Variants in PIAS1 observed in about 807,000 individuals in gnomAD.
PIAS1 encodes protein inhibitor of activated STAT 1.
PIAS1 carries 6 observed loss-of-function variants against 71.3 expected under a neutral mutation model. That is an observed-to-expected ratio of 0.08 (90% confidence interval 0.05 to 0.17). The LOEUF (loss-of-function observed/expected upper bound fraction) is 0.17. Among genes scored for constraint, PIAS1 ranks in the 10% least tolerant of loss-of-function variants. The probability of loss-of-function intolerance (pLI) is 1.00; values close to 1 mark genes in which losing one functional copy is unlikely to be tolerated. For synonymous variants in PIAS1, 303 were observed against 292.9 expected (o/e 1.03, Z -0.35); for missense variants, 555 against 793.6 (o/e 0.70, Z 3.61).
chr15:68,146,668 A>G lies in PIAS1; in HGVS notation c.796A>G (p.Ile266Val). The G allele has an allele frequency of 6.2e-7, 1 of 1,612,698 alleles. No individual in the cohort carries two copies. The highest frequency in any genetic ancestry group is 8.5e-7 in the Non-Finnish European group (1 of 1,179,058). Reference protein sequence around the residue: ...VRLSTTVPNTIVVSWTAEIGR... With the variant: ...VRLSTTVPNTVVVSWTAEIGR... Reference sequence around the variant, plus strand: ...ACTGTCCACAACAGTACCAAACACGATTGTTGTTTCTTGGACTGCAGAAAT... The same window carrying G: ...ACTGTCCACAACAGTACCAAACACGGTTGTTGTTTCTTGGACTGCAGAAAT... The change falls in exon 6 of 14, where the codon ATT becomes GTT. Residue 266 changes from isoleucine (I) to valine (V), a missense_variant. Ile to Val is a conservative substitution (Grantham distance 29). Transcript: ENST00000249636.
chr15:68,141,968 T>G lies in PIAS1; in HGVS notation c.492T>G (p.Phe164Leu), dbSNP rs762472706. The change falls in exon 3 of 14, where the codon TTT (phenylalanine) becomes TTG (leucine). Residue 164 changes from phenylalanine to leucine, a missense_variant. This residue lies in a region of PIAS1 where 134 missense variants were observed against 203.4 expected (regional missense o/e 0.66). Transcript: ENST00000249636. ...TAGCATCAGACAACAGTCAGCGCTT[T>G]CGAGAAACCTGTTTTGCATTTGCCT... Reference protein sequence around the residue: ...TSLASDNSQRFRETCFAFALT... With the variant: ...TSLASDNSQRLRETCFAFALT... 1.2e-6 allele frequency: 2 copies of G among 1,604,164 alleles called. No homozygotes were observed. Among genetic ancestry groups the G allele is most frequent in the Non-Finnish European group, 1.7e-6 (2 of 1,174,574 alleles).
intron 2 of PIAS1, among the ~76,000 whole-genome samples, chr15:68,103,674 G>A (rs1362169378): frequency 6.6e-6 from 1 of 152,072 alleles, no homozygotes; most frequent in Non-Finnish European, 1.5e-5. Flanking sequence ...AGATTTTCCT[G>A]TTTTGGACAT....
At chr15:68,115,626 G>T (rs1357795034) in intron 2 of PIAS1, among the ~76,000 whole-genome samples, 3 of 152,016 alleles carry the variant, frequency 2.0e-5, no homozygotes, top group Non-Finnish European at 4.4e-5. Flanking sequence ...TAATTTTTGA[G>T]GGAAAACATT....
chr15:68,096,163 T>A (rs2092374016), intron 2 of PIAS1, among the ~76,000 whole-genome samples: 1 of 152,238 alleles, frequency 6.6e-6, no homozygotes, highest in African/African-American at 2.4e-5. Context: ...TGAAACTATA[T>A]GTTTGAATAA....
rs199948202 is a variant in PIAS1 at position 68,125,697 on chromosome 15, G to GA, written c.470-16248dup. Among the ~76,000 whole-genome samples, 729 of 151,806 alleles carry GA rather than the reference G, an allele frequency of 4.8e-3. 6 individuals are homozygous for GA. Among genetic ancestry groups the GA allele is most frequent in the African/African-American group, 0.016 (674 of 41,424 alleles). On this transcript the variant is annotated intron_variant, in intron 2 of 13. Transcript: ENST00000249636. Reference sequence around the variant, plus strand: ...AAAGTTCAAAGTTAGGCTGGTTTCCGATTTTTTTTTTCTCCTTTTTAGAGA... The same window carrying GA: ...AAAGTTCAAAGTTAGGCTGGTTTCCGAATTTTTTTTTTCTCCTTTTTAGAGA...
In PIAS1 at chr15:68,151,938, A is replaced by ATTTT. The variant is rs1567065720; in HGVS notation, c.829-1652_829-1651insTTTT. Among the ~76,000 whole-genome samples, 142 of 37,190 alleles carry ATTTT rather than the reference A, an allele frequency of 3.8e-3. 2 individuals carry two copies. The highest frequency in any genetic ancestry group is 0.011 in the African/African-American group (135 of 12,296). The allele number at this position is 37,190 out of a possible 152,430, so 24.4% of individuals were successfully genotyped here. On this transcript the variant is annotated intron_variant, in intron 6 of 13. Coordinates refer to ENST00000249636, the MANE Select transcript of PIAS1 (RefSeq NM_016166.3). ...TATGTTGTATGCTCTAAAATTTAGG[A>ATTTT]ATTTTTTTTTTTTTTTTTTTTTGGG...
chr15:68,084,473 T>TAA (rs1232547327), intron 1 of PIAS1, among the ~76,000 whole-genome samples: 1 of 152,208 alleles, frequency 6.6e-6, no homozygotes, highest in Non-Finnish European at 1.5e-5. Context: ...TTATAGTTAG[T>TAA]AATTGTTTAC....
intron 7 of PIAS1, among the ~76,000 whole-genome samples, chr15:68,155,188 ATTATT>A (rs1457900258): frequency 1.3e-5 from 2 of 152,202 alleles, no homozygotes; most frequent in African/African-American, 2.4e-5. Flanking sequence ...CTGGAATTGA[ATTATT>A]TTATTTTCTC....
chr15:68,181,187 C>T (rs1437729165), intron 11 of PIAS1, 25 bp from the exon 12 acceptor site: 2 of 1,608,024 alleles, frequency 1.2e-6, no homozygotes, highest in Admixed American at 3.4e-5. Flanking sequence ...CTAATGAAAA[C>T]TATGCCAATC....
At chr15:68,181,920 C>T (rs956715260) in intron 12 of PIAS1, 1 of 152,884 alleles carries the variant, frequency 6.5e-6, no homozygotes, top group African/African-American at 2.4e-5. Flanking sequence ...GTCCTCCTGC[C>T]TCGGCCTCCC....
intron 2 of PIAS1, among the ~76,000 whole-genome samples, chr15:68,108,045 A>G (rs191883549): frequency 4.6e-4 from 70 of 152,336 alleles, no homozygotes; most frequent in Non-Finnish European, 8.1e-4. Context: ...ATCAATTTAT[A>G]TAACCAAAGA....
chr15:68,180,246 G>A (rs1328584794), intron 11 of PIAS1, among the ~76,000 whole-genome samples: 2 of 151,860 alleles, frequency 1.3e-5, no homozygotes, highest in Non-Finnish European at 2.9e-5. Flanking sequence ...CTACAGATAC[G>A]TGCCACCAGG....
rs2091873247 is a variant in PIAS1 at position 68,054,528 on chromosome 15, G to C, written c.24+178G>C. 1 of 559,862 alleles carries C rather than the reference G, an allele frequency of 1.8e-6. No individual in the cohort carries two copies. The highest frequency in any genetic ancestry group is 3.0e-6 in the Non-Finnish European group (1 of 330,450). 34.7% of individuals were successfully genotyped at this position (559,862 alleles called of 1,614,324 possible). On this transcript the variant is annotated intron_variant, in intron 1 of 13. Transcript: ENST00000249636. The surrounding 1 kb of genome is among the most constrained non-coding windows in gnomAD (Gnocchi z 4.6). The stretch of plus-strand genomic sequence containing the variant: ...AGGGGGCCCGCCTGCGGCGGGCCGC[G>C]GGCCCCGGGTGCCTCGGGGGCGCTG...
intron 1 of PIAS1, among the ~76,000 whole-genome samples, chr15:68,078,039 G>C (rs1351389014): frequency 1.3e-5 from 2 of 152,164 alleles, no homozygotes; most frequent in Non-Finnish European, 2.9e-5. Flanking sequence ...CTGAAACTTA[G>C]ATCATCTAAT....
At chr15:68,157,307 G>C (rs146051457) in intron 7 of PIAS1, among the ~76,000 whole-genome samples, 1 of 152,054 alleles carries the variant, frequency 6.6e-6, no homozygotes, top group Non-Finnish European at 1.5e-5. Flanking sequence ...CTGTCTGCAG[G>C]CTTTTTCTGT....
At chr15:68,077,466 G>A (rs2092179822) in intron 1 of PIAS1, among the ~76,000 whole-genome samples, 1 of 152,206 alleles carries the variant, frequency 6.6e-6, no homozygotes, top group Non-Finnish European at 1.5e-5. Flanking sequence ...GGTATACCAA[G>A]AGGACGAAAT....
chr15:68,122,088 C>T (rs2092618136), intron 2 of PIAS1, among the ~76,000 whole-genome samples: 1 of 152,134 alleles, frequency 6.6e-6, no homozygotes, highest in Admixed American at 6.5e-5. Flanking sequence ...AAGATCGAGC[C>T]ACTGCACTCC....
intron 10 of PIAS1, 88 bp downstream of exon 10, chr15:68,175,855 A>T: frequency 1.1e-6 from 1 of 895,698 alleles, no homozygotes; most frequent in Non-Finnish European, 1.5e-6. Flanking sequence ...TTTAAAAATC[A>T]CTGAGCAGTT....
intron 2 of PIAS1, among the ~76,000 whole-genome samples, chr15:68,129,563 A>G (rs1439441323): frequency 6.6e-6 from 1 of 152,152 alleles, no homozygotes; most frequent in East Asian, 1.9e-4. Context: ...AAAACACTGC[A>G]TGCTTTTATG....
Sources: gnomAD v4.1 joint callset for allele counts (sites outside exome capture counted in the v4.1 genomes callset) on GRCh38, gnomAD v4.1.1 for gene constraint, gnomAD v4.1.1 regional missense constraint, Gnocchi (gnomAD v3.1) non-coding constraint, MANE v1.5 for transcripts, NCBI Gene and HGNC (gene_info 2026-07-23, HGNC 2026-07-21) for gene names.